The following ZCCHC10 variants were observed in gnomAD, a reference collection of about 807,000 sequenced individuals.
ZCCHC10 encodes the protein zinc finger CCHC-type containing 10, also known as zinc finger CCHC domain-containing protein 10.
Under a neutral mutation model 19.5 loss-of-function variants are expected in ZCCHC10, and 16 were observed. The ratio of observed to expected loss-of-function variants is 0.82; its 90% CI spans 0.56 to 1.25. The LOEUF (loss-of-function observed/expected upper bound fraction) is 1.25, where lower values mean the gene tolerates loss of function less well. ZCCHC10 is among the 50% of genes most tolerant of loss of function. ZCCHC10 has a pLI of 0.00. For missense variants in ZCCHC10, 197 were observed against 201.0 expected, an observed-to-expected ratio of 0.98 and a Z score of 0.12; for synonymous variants, 67 against 72.5, an observed-to-expected ratio of 0.92 and a Z score of 0.38.
chr5:133,011,519 G>A (rs180857425), intron 2 of ZCCHC10: 2 of 151,298 alleles, frequency 1.3e-5, no homozygotes, highest in African/African-American at 2.4e-5. Flanking sequence ...CTAGCTACTC[G>A]GGAGGCTGAG....
In ZCCHC10 at chr5:133,024,173, T is replaced by C. The variant is rs150642279; in HGVS notation, c.42-1267A>G. On this transcript the variant is annotated intron_variant, in intron 1 of 4. Coordinates refer to ENST00000509437, the MANE Select transcript of ZCCHC10 (RefSeq NM_001300816.3). ...CTTTTGATACTTCTGAAACAAGAAA[T>C]AGCAGTATTATTCAGATGCTAAGTC... 4.8e-3 allele frequency among the ~76,000 whole-genome samples: 735 copies of C among 152,320 alleles called. 9 individuals carry two copies. Among genetic ancestry groups the C allele is most frequent in the Non-Finnish European group, 4.5e-3 (307 of 68,026 alleles).
intron 2 of ZCCHC10, among the ~76,000 whole-genome samples, chr5:133,016,969 G>A (rs1397136708): frequency 6.6e-6 from 1 of 151,260 alleles, no homozygotes; most frequent in Non-Finnish European, 1.5e-5. Flanking sequence ...TTATACACAG[G>A]CTCTGGTACC....
chr5:133,007,554 A>C (rs1346870146), intron 2 of ZCCHC10, among the ~76,000 whole-genome samples: 5 of 151,916 alleles, frequency 3.3e-5, no homozygotes, highest in South Asian at 2.1e-4. Context: ...CAAAAAAAAA[A>C]AAAAACAAAA....
In ZCCHC10 at chr5:133,000,162, G is replaced by T. The variant is rs759285719; in HGVS notation, c.281C>A (p.Thr94Asn). 6 of 1,613,534 alleles carry T rather than the reference G, an allele frequency of 3.7e-6. No homozygotes were observed. The African/African-American group carries it at 4.0e-5, about 11-fold the overall frequency. ...RLLLQQSIGE[T>N]NVERKAKKKR... ...TTTCTTGGCCTTTCTTTCTACATTGGTTTCTCCAATGCTGATAAACACGAG... is the reference window on the plus strand; with the variant it reads ...TTTCTTGGCCTTTCTTTCTACATTGTTTTCTCCAATGCTGATAAACACGAG... The change falls in exon 4 of 5, where the codon ACC becomes AAC. Residue 94 changes from threonine (T) to asparagine (N), a missense_variant. Thr to Asn is a moderately conservative substitution (Grantham distance 65). Coordinates refer to ENST00000509437, the MANE Select transcript of ZCCHC10 (RefSeq NM_001300816.3).
At chr5:133,025,857 T>G (rs537726247) in intron 1 of ZCCHC10, among the ~76,000 whole-genome samples, 1 of 152,336 alleles carries the variant, frequency 6.6e-6, no homozygotes, top group East Asian at 1.9e-4. Flanking sequence ...ATTTACAATT[T>G]GTGGTTTATC....
chr5:132,998,594 T>C lies in ZCCHC10; in HGVS notation c.568A>G (p.Lys190Glu). ...TGAATGGAGCAACTCTATTTCTTTT[T>C]CTTCTTCTTTGGTGGTTCATCGTCA... ...SSDDEPPKKK[K>E]KK The change falls in exon 5 of 5, where the codon AAA (lysine) becomes GAA (glutamate). Residue 190 changes from lysine to glutamate, a missense_variant. Lys to Glu is a moderately conservative substitution (Grantham distance 56). Coordinates refer to ENST00000509437, the MANE Select transcript of ZCCHC10 (RefSeq NM_001300816.3). 5 of 1,613,290 alleles carry C rather than the reference T, an allele frequency of 3.1e-6. No homozygotes were observed. Among genetic ancestry groups the C allele is most frequent in the South Asian group, 1.1e-5 (1 of 91,056 alleles).
At chr5:133,019,282 T>C (rs1476285546) in intron 2 of ZCCHC10, 1 of 206,006 alleles carries the variant, frequency 4.9e-6, no homozygotes, top group Non-Finnish European at 1.0e-5. Flanking sequence ...TTTTAAACAC[T>C]CACAACTCAC....
At chr5:133,008,912 C>G (rs1020891010) in intron 2 of ZCCHC10, among the ~76,000 whole-genome samples, 2 of 152,168 alleles carry the variant, frequency 1.3e-5, no homozygotes, top group South Asian at 2.1e-4. Context: ...ACTTGGGAAG[C>G]TGAGATAGGA....
At chr5:133,023,874 A>G (rs896459970) in intron 1 of ZCCHC10, among the ~76,000 whole-genome samples, 2 of 152,166 alleles carry the variant, frequency 1.3e-5, no homozygotes, top group African/African-American at 4.8e-5. Flanking sequence ...CTTGTAAATA[A>G]AATTAAACCT....
At chr5:133,002,911 C>T (rs963576150) in intron 3 of ZCCHC10, among the ~76,000 whole-genome samples, 1 of 151,812 alleles carries the variant, frequency 6.6e-6, no homozygotes, top group African/African-American at 2.4e-5. Context: ...GTAGAGATGG[C>T]GTTTCACCAT....
rs183052930 is a variant in ZCCHC10, at chr5:133,018,481, C to A, written c.107+4360G>T. On this transcript the variant is annotated intron_variant, in intron 2 of 4. Transcript: ENST00000509437. ...GTGGCGCAATCTCGGTTCACTGCAA[C>A]CTCCGCCTCCCAGGTTCAAACGATT... 1.4e-3 allele frequency among the ~76,000 whole-genome samples: 216 copies of A among 152,120 alleles called. 3 individuals are homozygous for A. Among genetic ancestry groups the A allele is most frequent in the Non-Finnish European group, 2.6e-3 (178 of 68,014 alleles).
chr5:133,012,389 A>G (rs1201711707), intron 2 of ZCCHC10, among the ~76,000 whole-genome samples: 1 of 150,876 alleles, frequency 6.6e-6, no homozygotes, highest in Non-Finnish European at 1.5e-5. Flanking sequence ...AATTTCTTGA[A>G]CTCAGGAGGC....
At chr5:133,005,549 G>T (rs919939406) in intron 3 of ZCCHC10, among the ~76,000 whole-genome samples, 14 of 152,160 alleles carry the variant, frequency 9.2e-5, no homozygotes, top group African/African-American at 2.9e-4. Flanking sequence ...AGGAGGTGGA[G>T]GTTGCAGTGA....
intron 2 of ZCCHC10, among the ~76,000 whole-genome samples, chr5:133,012,770 G>A (rs1283660729): frequency 1.3e-5 from 2 of 151,616 alleles, no homozygotes; most frequent in Non-Finnish European, 2.9e-5. Flanking sequence ...CAAAAAATAG[G>A]CCGGGTGTGG....
chr5:133,026,377 G>T (rs963432770), intron 1 of ZCCHC10, 120 bp downstream of exon 1: 6 of 1,411,630 alleles, frequency 4.3e-6, no homozygotes, highest in Non-Finnish European at 4.9e-6. Flanking sequence ...CCGGGAGCCA[G>T]AAGAGTGTTT....
At chr5:133,018,556 G>A (rs1376415386) in intron 2 of ZCCHC10, among the ~76,000 whole-genome samples, 1 of 151,980 alleles carries the variant, frequency 6.6e-6, no homozygotes, top group African/African-American at 2.4e-5. Flanking sequence ...GTGCCACCCT[G>A]CCCTACTAAT....
At chr5:133,002,383 T>C (rs1762831903) in intron 3 of ZCCHC10, among the ~76,000 whole-genome samples, 1 of 152,152 alleles carries the variant, frequency 6.6e-6, no homozygotes. Context: ...TATGTATTTA[T>C]TTTTTGTAGA....
intron 3 of ZCCHC10, among the ~76,000 whole-genome samples, chr5:133,002,055 G>A (rs1458498854): frequency 8.4e-6 from 1 of 119,104 alleles, no homozygotes; most frequent in African/African-American, 3.7e-5. Flanking sequence ...TCCACCTCCC[G>A]GGTTCATGCC....
At chr5:133,022,945 G>C (rs1461109846) in intron 1 of ZCCHC10, 39 bp from the exon 2 acceptor site, 1 of 502,710 alleles carries the variant, frequency 2.0e-6, no homozygotes, top group Non-Finnish European at 3.5e-6. Flanking sequence ...AGGTAAGTCT[G>C]ACACTTAAGT....
Sources: allele counts gnomAD v4.1 joint callset (sites outside exome capture counted in the v4.1 genomes callset), GRCh38; gene constraint gnomAD v4.1.1; transcripts MANE v1.5; gene names NCBI Gene and HGNC (gene_info 2026-07-23, HGNC 2026-07-21).